AGBL1: variants seen among roughly 807,000 people sequenced by gnomAD.
The protein encoded by AGBL1 is AGBL carboxypeptidase 1.
In AGBL1, 130 loss-of-function variants were observed where a neutral mutation model predicts 118.9. That is an observed-to-expected ratio of 1.09 (90% CI 0.95 to 1.26). The LOEUF (loss-of-function observed/expected upper bound fraction) is 1.26. Ranked by LOEUF, AGBL1 falls within the 50% of genes most tolerant of loss-of-function variation. The pLI is 0.00. For synonymous variants in AGBL1, 555 were observed against 478.9 expected, an observed-to-expected ratio of 1.16 and a Z score of -2.08; for missense variants, 1,584 against 1,298.1, an observed-to-expected ratio of 1.22 and a Z score of -3.38.
chr15:86,731,783 G>A (rs1280106033), intron 22 of AGBL1, among the ~76,000 whole-genome samples: 1 of 152,170 alleles, frequency 6.6e-6, no homozygotes, highest in Non-Finnish European at 1.5e-5. Flanking sequence ...TTGAAGTAAA[G>A]CTTGCTTATG....
chr15:86,674,342 G>A lies in AGBL1; in HGVS notation c.3064G>A (p.Glu1022Lys), dbSNP rs371869368. 52 of 1,612,242 alleles carry A rather than the reference G, an allele frequency of 3.2e-5. No homozygotes were observed. In the African/African-American group the frequency reaches 6.5e-4, roughly 20 times the overall value. The change falls in exon 22 of 23, where the codon GAG becomes AAG. Residue 1022 changes from glutamate to lysine, a missense_variant. Physicochemically the swap from Glu to Lys is moderately conservative, Grantham distance 56. Transcript: ENST00000614907. Reference protein sequence around the residue: ...AMFCLGLLILELKSASCSHQL... With the variant: ...AMFCLGLLILKLKSASCSHQL... Reference sequence around the variant, plus strand: ...GTTCTGTTTGGGCCTCCTCATCCTGGAGCTCAAATCTGCCAGCTGCAGCCA... The same window carrying A: ...GTTCTGTTTGGGCCTCCTCATCCTGAAGCTCAAATCTGCCAGCTGCAGCCA...
chr15:86,271,998 C>T (rs1278370170), intron 15 of AGBL1, among the ~76,000 whole-genome samples: 1 of 152,180 alleles, frequency 6.6e-6, no homozygotes, highest in Non-Finnish European at 1.5e-5. Context: ...AGAGATTCTA[C>T]CTGTGATTAG....
intron 22 of AGBL1, among the ~76,000 whole-genome samples, chr15:86,705,531 G>A (rs966754125): frequency 2.0e-5 from 3 of 152,256 alleles, no homozygotes; most frequent in Admixed American, 2.0e-4. Flanking sequence ...CTGAATTACT[G>A]GAAAGTATGT....
chr15:86,182,529 G>T (rs555752761), intron 5 of AGBL1, among the ~76,000 whole-genome samples: 1 of 151,964 alleles, frequency 6.6e-6, no homozygotes, highest in Non-Finnish European at 1.5e-5. Context: ...ATGGCCCCTA[G>T]AATATTCTCG....
At chr15:86,398,196 G>A (rs978150811) in intron 18 of AGBL1, among the ~76,000 whole-genome samples, 2 of 152,118 alleles carry the variant, frequency 1.3e-5, no homozygotes, top group Non-Finnish European at 2.9e-5. Flanking sequence ...ATATATGATG[G>A]GAAAGATGGC....
At chr15:86,834,904 ATTC>A (rs1567198534) in intron 22 of AGBL1, among the ~76,000 whole-genome samples, 2 of 151,416 alleles carry the variant, frequency 1.3e-5, no homozygotes, top group African/African-American at 2.4e-5. Flanking sequence ...CAGAGGATAA[ATTC>A]TTCTTCTTTC....
intron 5 of AGBL1, among the ~76,000 whole-genome samples, chr15:86,191,431 C>A (rs2077720180): frequency 6.8e-6 from 1 of 146,504 alleles, no homozygotes; most frequent in African/African-American, 2.6e-5. Flanking sequence ...AGAATAGAAG[C>A]AGAATAGATA....
At chr15:86,413,591 T>C (rs968402208) in intron 18 of AGBL1, among the ~76,000 whole-genome samples, 11 of 152,166 alleles carry the variant, frequency 7.2e-5, no homozygotes, top group Non-Finnish European at 1.5e-4. Context: ...TATTATCTCA[T>C]GGTGGTTTTA....
chr15:86,650,368 T>C (rs926301924), intron 21 of AGBL1, among the ~76,000 whole-genome samples: 2 of 152,142 alleles, frequency 1.3e-5, no homozygotes, highest in African/African-American at 2.4e-5. Context: ...GGAAGCTATA[T>C]AAATTTATAA....
chr15:86,947,067 A>G (rs1310077303), intron 23 of AGBL1, among the ~76,000 whole-genome samples: 1 of 152,164 alleles, frequency 6.6e-6, no homozygotes, highest in Admixed American at 6.5e-5. Context: ...CTACCGACTT[A>G]ATCAGCTAGA....
intron 3 of AGBL1, among the ~76,000 whole-genome samples, chr15:86,146,025 C>T (rs2141660753): frequency 6.6e-6 from 1 of 152,276 alleles, no homozygotes; most frequent in African/African-American, 2.4e-5. Flanking sequence ...TGATATATAC[C>T]TCGGTCATAA....
At chr15:86,927,935 C>CAT (rs56307079) in intron 23 of AGBL1, among the ~76,000 whole-genome samples, 27 of 150,348 alleles carry the variant, frequency 1.8e-4, no homozygotes, top group Admixed American at 3.3e-4. Context: ...TTTATATATG[C>CAT]ATATATATAT....
chr15:86,419,992 T>C (rs894423513), intron 18 of AGBL1, among the ~76,000 whole-genome samples: 21 of 152,076 alleles, frequency 1.4e-4, no homozygotes, highest in Admixed American at 9.2e-4. Context: ...AACTCCCATC[T>C]CCCTGGGACA....
rs369053943 is a variant in AGBL1 at position 86,597,118 on chromosome 15, A to G, written c.2994+42581A>G. Among the ~76,000 whole-genome samples the G allele has an allele frequency of 6.7e-3, 979 of 145,998 alleles. 10 individuals carry two copies. Among genetic ancestry groups the G allele is most frequent in the African/African-American group, 0.024 (914 of 38,190 alleles). ...GATAGATTGATCTATTGATCTGTCT[A>G]TCTAATCTACCTATATCCATCCATC... On this transcript the variant is annotated intron_variant, in intron 21 of 22. Transcript: ENST00000614907.
At chr15:86,273,190 G>T (rs1359921517) in intron 15 of AGBL1, among the ~76,000 whole-genome samples, 3 of 152,176 alleles carry the variant, frequency 2.0e-5, no homozygotes, top group African/African-American at 4.8e-5. Flanking sequence ...GAGTAAGAAG[G>T]CTAAGGGGAC....
intron 22 of AGBL1, among the ~76,000 whole-genome samples, chr15:86,896,842 G>T (rs978371745): frequency 6.6e-6 from 1 of 151,926 alleles, no homozygotes; most frequent in African/African-American, 2.4e-5. Context: ...ATAGTTCTGT[G>T]CTCATCAACA....
intron 22 of AGBL1, among the ~76,000 whole-genome samples, chr15:86,865,893 A>G (rs1208753680): frequency 6.6e-6 from 1 of 152,238 alleles, no homozygotes; most frequent in Admixed American, 6.5e-5. Flanking sequence ...GGTTTATGAG[A>G]AGATTAAATG....
chr15:86,248,174 G>A (rs575206145), intron 7 of AGBL1, among the ~76,000 whole-genome samples: 34 of 152,242 alleles, frequency 2.2e-4, no homozygotes, highest in African/African-American at 7.5e-4. Context: ...AAAATTAGCT[G>A]GGTGTGGTGT....
chr15:86,650,356 A>G (rs1205020601), intron 21 of AGBL1, among the ~76,000 whole-genome samples: 1 of 152,178 alleles, frequency 6.6e-6, no homozygotes, highest in African/African-American at 2.4e-5. Context: ...AACCTTGACA[A>G]TGGAAGCTAT....
Sources: allele counts gnomAD v4.1 joint callset (sites outside exome capture counted in the v4.1 genomes callset), GRCh38; gene constraint gnomAD v4.1.1; transcripts MANE v1.5; gene names NCBI Gene and HGNC (gene_info 2026-07-23, HGNC 2026-07-21).